The following CAPN13 variants were observed in gnomAD, a reference collection of about 807,000 sequenced individuals.
CAPN13 encodes calpain-13.
Under a neutral mutation model 98.4 loss-of-function variants are expected in CAPN13, and 90 were observed. That is an observed-to-expected ratio of 0.92 (90% confidence interval 0.77 to 1.09). The LOEUF (loss-of-function observed/expected upper bound fraction) is 1.09, where lower values mean the gene tolerates loss of function less well. CAPN13 is among the 50% of genes least tolerant of loss of function. CAPN13 has a pLI of 0.00. For synonymous variants in CAPN13, 330 were observed against 305.5 expected (o/e 1.08, Z -0.84); for missense variants, 887 against 841.3 (o/e 1.05, Z -0.67).
chr2:30,759,462 C>A (rs1672712098), intron 7 of CAPN13, among the ~76,000 whole-genome samples: 1 of 152,176 alleles, frequency 6.6e-6, no homozygotes, highest in South Asian at 2.1e-4. Context: ...TGAGCTGTAG[C>A]TGTGATATCA....
rs760103981 is a variant in CAPN13 at position 30,787,261 on chromosome 2, G to C, written c.65C>G (p.Thr22Ser). The part of the protein sequence containing the change: ...SIIKFKDQDF[T>S]TLRDHCLSMG... ...GCTCAGGCAGTGATCCCGCAAGGTG[G>C]TAAAGTCCTGGTCTTTGAACTTGAT... Residue 22 changes from threonine (T) to serine (S), a missense_variant, in exon 2 of 23, where the codon ACC (threonine) becomes AGC (serine). Physicochemically the swap from Thr to Ser is moderately conservative, Grantham distance 58. Coordinates refer to ENST00000295055, the MANE Select transcript of CAPN13 (RefSeq NM_144575.3). 5 of 1,613,224 alleles carry C rather than the reference G, an allele frequency of 3.1e-6. No homozygotes were observed. The African/African-American group carries it at 6.7e-5, about 22-fold the overall frequency.
intron 7 of CAPN13, among the ~76,000 whole-genome samples, chr2:30,761,652 A>G (rs1672855055): frequency 1.3e-5 from 2 of 152,222 alleles, no homozygotes; most frequent in Non-Finnish European, 2.9e-5. Context: ...TCCTCATCTC[A>G]TGCCCCAAAC....
chr2:30,732,361 G>C, intron 20 of CAPN13, 77 bp downstream of exon 20: 1 of 1,579,798 alleles, frequency 6.3e-7, no homozygotes, highest in Non-Finnish European at 8.6e-7. Flanking sequence ...CCTGGGGTGG[G>C]GTAGGGGGTG....
At chr2:30,789,885 C>A (rs1674514062) in intron 1 of CAPN13, among the ~76,000 whole-genome samples, 2 of 152,204 alleles carry the variant, frequency 1.3e-5, no homozygotes, top group Non-Finnish European at 2.9e-5. Flanking sequence ...GGGTGAGGAC[C>A]AGGATGGTCA....
intron 2 of CAPN13, among the ~76,000 whole-genome samples, chr2:30,783,702 C>A (rs760238044): frequency 1.3e-5 from 2 of 152,174 alleles, no homozygotes; most frequent in Admixed American, 6.5e-5. Flanking sequence ...TTGTGGTTTA[C>A]CAGTTGCCTA....
chr2:30,738,100 C>A, intron 17 of CAPN13, 135 bp downstream of exon 17: 1 of 881,860 alleles, frequency 1.1e-6, no homozygotes, highest in Non-Finnish European at 1.8e-6. Context: ...AGAGAATCCC[C>A]AGAAACTCAA....
chr2:30,763,261 T>A, intron 6 of CAPN13, 105 bp from the exon 7 acceptor site: 2 of 961,730 alleles, frequency 2.1e-6, no homozygotes, highest in Non-Finnish European at 3.2e-6. Context: ...CCTCACTGAC[T>A]CACTTGGGAC....
At chr2:30,744,698 A>G (rs1671821639) in intron 12 of CAPN13, among the ~76,000 whole-genome samples, 1 of 152,148 alleles carries the variant, frequency 6.6e-6, no homozygotes, top group South Asian at 2.1e-4. Flanking sequence ...AGACTTGCTC[A>G]GTGGCAGTGA....
intron 9 of CAPN13, 57 bp from the exon 10 acceptor site, chr2:30,753,255 G>A (rs1195393670): frequency 6.3e-7 from 1 of 1,587,876 alleles, no homozygotes; most frequent in East Asian, 2.2e-5. Flanking sequence ...CCAGGGTGGG[G>A]GTTCCTATGA....
rs1289733398 is a variant in CAPN13 at position 30,758,815 on chromosome 2, T to TTCCTTCCTC, written c.775-679_775-678insGAGGAAGGA. Among the ~76,000 whole-genome samples the TTCCTTCCTC allele has an allele frequency of 2.0e-4, 15 of 75,498 alleles. No homozygotes were observed. In the East Asian group the frequency reaches 3.3e-3, roughly 17 times the overall value. 49.5% of individuals were successfully genotyped at this position (75,498 alleles called of 152,430 possible). ...CCTTTCCTTCCTCCCTCCCTTCCCT[T>TTCCTTCCTC]CCTCCCTTCCTTCCTCCCTTCCTTC... On this transcript the variant is annotated intron_variant, in intron 7 of 22. Transcript: ENST00000295055.
At position 30,770,532 on chromosome 2, in the gene CAPN13, A is replaced by G. The variant is rs1370269281; in HGVS notation, c.388-83T>C. ...TCCCCCAACCTAAGCCAAAAGTTGC[A>G]ACATGACCTCTACAATGCAATAATG... On this transcript the variant is annotated intron_variant, in intron 4 of 22. Transcript: ENST00000295055. 2.0e-6 allele frequency: 3 copies of G among 1,521,228 alleles called. No individual in the cohort carries two copies. In the African/African-American group the frequency reaches 4.1e-5, roughly 21 times the overall value. The allele number at this position is 1,521,228 out of a possible 1,614,324, so 94.2% of individuals were successfully genotyped here. A position where few individuals can be genotyped will look rare whatever the true frequency, so the allele number is the denominator to read the frequency against.
chr2:30,793,826 A>C (rs933628359), intron 1 of CAPN13, among the ~76,000 whole-genome samples: 2 of 151,850 alleles, frequency 1.3e-5, no homozygotes, highest in African/African-American at 4.8e-5. Context: ...CAATGGGGGA[A>C]AGAAAAGTCT....
chr2:30,739,102 G>A (rs543601752), intron 15 of CAPN13, among the ~76,000 whole-genome samples: 1 of 152,290 alleles, frequency 6.6e-6, no homozygotes, highest in South Asian at 2.1e-4. Flanking sequence ...TTCTGGGGCA[G>A]TTAACTACAT....
rs765402604 is a variant in CAPN13, at chr2:30,734,417, T to TG, written c.1798+31dup. 3 of 1,586,788 alleles carry TG rather than the reference T, an allele frequency of 1.9e-6. No individual in the cohort carries two copies. In the South Asian group the frequency reaches 3.3e-5, roughly 18 times the overall value. On this transcript the variant is annotated intron_variant, in intron 19 of 22. Coordinates refer to ENST00000295055, the MANE Select transcript of CAPN13 (RefSeq NM_144575.3). ...GGGCATCACCCCCCTCCCCGGACCT[T>TG]GGGCACCACAGCTCCAAAGTCCCCA...
intron 3 of CAPN13, among the ~76,000 whole-genome samples, chr2:30,776,824 AAGAT>A (rs976052184): frequency 1.3e-5 from 2 of 152,098 alleles, no homozygotes; most frequent in Admixed American, 1.3e-4. Flanking sequence ...AGAAGCCACA[AAGAT>A]GGCCTCAGAG....
chr2:30,741,288 C>G, intron 15 of CAPN13: 1 of 751,066 alleles, frequency 1.3e-6, no homozygotes, highest in Non-Finnish European at 1.6e-6. Flanking sequence ...TGCCATCCTT[C>G]CTGTCCTTGG....
intron 2 of CAPN13, among the ~76,000 whole-genome samples, chr2:30,784,575 A>C (rs1674161365): frequency 6.6e-6 from 1 of 152,220 alleles, no homozygotes; most frequent in African/African-American, 2.4e-5. Flanking sequence ...TTTTACTCAC[A>C]TGAGGTAGAA....
chr2:30,727,052 G>A (rs1208282055), intron 22 of CAPN13, among the ~76,000 whole-genome samples: 1 of 152,148 alleles, frequency 6.6e-6, no homozygotes, highest in Non-Finnish European at 1.5e-5. Context: ...ATATTAAATT[G>A]ATTTTTGAAA....
chr2:30,787,425 C>G (rs1674351015), intron 1 of CAPN13, 68 bp from the exon 2 acceptor site: 1 of 1,197,962 alleles, frequency 8.3e-7, no homozygotes, highest in Non-Finnish European at 1.2e-6. Flanking sequence ...AAATGTGAGC[C>G]CCAGATGGGC....
Sources: allele counts gnomAD v4.1 joint callset (sites outside exome capture counted in the v4.1 genomes callset), GRCh38; gene constraint gnomAD v4.1.1; transcripts MANE v1.5; gene names NCBI Gene and HGNC (gene_info 2026-07-23, HGNC 2026-07-21).